Variants in BLTP3A observed in about 807,000 individuals in gnomAD.
The protein encoded by BLTP3A is bridge-like lipid transfer protein family member 3A.
At chr6:34,848,950 A>ATTTTTTTTTTTT in the BLTP3A span, among the ~76,000 whole-genome samples, 1 of 86,866 alleles carries the variant, frequency 1.2e-5, no homozygotes, top group African/African-American at 4.4e-5. Flanking sequence ...AATTTCTTGC[A>ATTTTTTTTTTTT]TTTTTTTTTT....
chr6:34,801,944 A>G, the BLTP3A span, among the ~76,000 whole-genome samples: 1 of 152,004 alleles, frequency 6.6e-6, no homozygotes, highest in East Asian at 1.9e-4. Context: ...TCATCGTGTT[A>G]GCCAGGATGG....
chr6:34,811,265 TAGGC>T, the BLTP3A span, among the ~76,000 whole-genome samples: 1 of 152,100 alleles, frequency 6.6e-6, no homozygotes, highest in Non-Finnish European at 1.5e-5. Context: ...AAAACAGAAA[TAGGC>T]AGGCTGATTT....
chr6:34,849,915 C>T, the BLTP3A span, among the ~76,000 whole-genome samples: 8 of 151,954 alleles, frequency 5.3e-5, no homozygotes, highest in East Asian at 1.9e-4. Context: ...CTGAGGCAGG[C>T]GGATCACCTG....
At chr6:34,835,152 A>G in the BLTP3A span, 2 of 962,302 alleles carry the variant, frequency 2.1e-6, no homozygotes, top group East Asian at 2.5e-5. Context: ...GTAGTTTTAT[A>G]AGAAATTGTC....
the BLTP3A span, among the ~76,000 whole-genome samples, chr6:34,823,834 C>A: frequency 6.6e-6 from 1 of 151,954 alleles, no homozygotes; most frequent in Non-Finnish European, 1.5e-5. Flanking sequence ...CCATGCCCAA[C>A]GTTGTCATTC....
the BLTP3A span, among the ~76,000 whole-genome samples, chr6:34,826,605 G>T: frequency 6.6e-6 from 1 of 152,096 alleles, no homozygotes; most frequent in East Asian, 1.9e-4. Context: ...TGATCTTTCC[G>T]ACTTGGCCTC....
At chr6:34,792,446 G>A in the BLTP3A span, 2 of 746,448 alleles carry the variant, frequency 2.7e-6, no homozygotes, top group African/African-American at 3.7e-5. Flanking sequence ...AGCCCGGACA[G>A]CTTCCCCCCG....
chr6:34,827,235 C>A, the BLTP3A span, among the ~76,000 whole-genome samples: 1 of 151,742 alleles, frequency 6.6e-6, no homozygotes, highest in Admixed American at 6.6e-5. Flanking sequence ...TGCTTGAACC[C>A]GGGAGGCAGA....
chr6:34,842,104 A>G, the BLTP3A span, among the ~76,000 whole-genome samples: 2 of 152,190 alleles, frequency 1.3e-5, no homozygotes, highest in Admixed American at 6.5e-5. Context: ...ACACCCTACT[A>G]TAATAAGCTC....
chr6:34,834,485 A>AT, the BLTP3A span: 4 of 1,550,180 alleles, frequency 2.6e-6, no homozygotes, highest in Non-Finnish European at 3.5e-6. Context: ...TATTATTCCC[A>AT]TTTTGTGGAT....
the BLTP3A span, chr6:34,855,598 C>T: frequency 1.9e-6 from 3 of 1,612,076 alleles, no homozygotes; most frequent in Admixed American, 1.7e-5. Context: ...TGCCATTCAC[C>T]TGTATTTTTA....
the BLTP3A span, among the ~76,000 whole-genome samples, chr6:34,826,056 G>A: frequency 7.3e-6 from 1 of 136,948 alleles, no homozygotes; most frequent in Non-Finnish European, 1.5e-5. Flanking sequence ...TTGAGATGGA[G>A]TCTCACTCTG....
At chr6:34,797,341 G>T in the BLTP3A span, among the ~76,000 whole-genome samples, 66,625 of 152,022 alleles carry the variant, frequency 0.44, 16,402 homozygotes, top group African/African-American at 0.67. Flanking sequence ...GCATAGAAGA[G>T]TTCAGCATTT....
chr6:34,804,701 G>A, the BLTP3A span, among the ~76,000 whole-genome samples: 2 of 152,284 alleles, frequency 1.3e-5, no homozygotes, highest in South Asian at 4.1e-4. Flanking sequence ...CATCTAGATA[G>A]GGCTCAGCTT....
the BLTP3A span, among the ~76,000 whole-genome samples, chr6:34,794,808 C>T: frequency 4.0e-5 from 6 of 149,270 alleles, no homozygotes; most frequent in Non-Finnish European, 7.4e-5. Context: ...TTTTTTGAGA[C>T]GGAGTCTCAC....
the BLTP3A span, among the ~76,000 whole-genome samples, chr6:34,795,757 C>A: frequency 6.6e-6 from 1 of 152,052 alleles, no homozygotes; most frequent in African/African-American, 2.4e-5. Flanking sequence ...CATTCCTTGG[C>A]GAACACAGTG....
the BLTP3A span, among the ~76,000 whole-genome samples, chr6:34,861,535 A>C: frequency 6.6e-6 from 1 of 152,254 alleles, no homozygotes; most frequent in Non-Finnish European, 1.5e-5. Flanking sequence ...AACAATCCAC[A>C]GATAACCACT....
the BLTP3A span, among the ~76,000 whole-genome samples, chr6:34,829,888 T>A: frequency 6.6e-6 from 1 of 152,226 alleles, no homozygotes; most frequent in South Asian, 2.1e-4. Flanking sequence ...CACTGCAACC[T>A]CCACCTCCCA....
At chr6:34,845,867 G>C in the BLTP3A span, among the ~76,000 whole-genome samples, 1 of 151,976 alleles carries the variant, frequency 6.6e-6, no homozygotes, top group Non-Finnish European at 1.5e-5. Context: ...AAAGTGCTGG[G>C]ATTACAGGCG....
Sources: allele counts gnomAD v4.1 joint callset (sites outside exome capture counted in the v4.1 genomes callset), GRCh38; gene constraint gnomAD v4.1.1; transcripts MANE v1.5; gene names NCBI Gene and HGNC (gene_info 2026-07-23, HGNC 2026-07-21).